Variants in SLC16A7 observed in about 807,000 individuals in gnomAD.
SLC16A7 encodes the protein monocarboxylate transporter 2.
SLC16A7 carries 33 observed loss-of-function variants against 34.9 expected under a neutral mutation model. That is an observed-to-expected ratio of 0.94 (90% CI 0.72 to 1.26). SLC16A7 has a LOEUF of 1.26. SLC16A7 is among the 50% of genes most tolerant of loss of function. SLC16A7 has a pLI of 0.00. For synonymous variants in SLC16A7, 201 were observed against 206.6 expected, an observed-to-expected ratio of 0.97 and a Z score of 0.23; for missense variants, 573 against 578.1, an observed-to-expected ratio of 0.99 and a Z score of 0.09.
chr12:59,679,597 A>G (rs534361069), intron 2 of SLC16A7, among the ~76,000 whole-genome samples: 3 of 152,166 alleles, frequency 2.0e-5, no homozygotes, highest in Non-Finnish European at 4.4e-5. Flanking sequence ...TACCTGTCTC[A>G]TGATGTTTAT....
At chr12:59,770,011 A>T (rs543442995) in intron 3 of SLC16A7, among the ~76,000 whole-genome samples, 1 of 152,248 alleles carries the variant, frequency 6.6e-6, no homozygotes, top group Admixed American at 6.6e-5. Context: ...GATAGTCTCA[A>T]TTGTTAAGTT....
intron 1 of SLC16A7, among the ~76,000 whole-genome samples, chr12:59,632,112 G>A (rs760828405): frequency 5.3e-5 from 8 of 151,818 alleles, no homozygotes; most frequent in African/African-American, 1.7e-4. Context: ...AAAAGTAGAC[G>A]GAATGAGTAA....
chr12:59,664,742 T>C (rs1565636648), intron 2 of SLC16A7: 1 of 152,132 alleles, frequency 6.6e-6, no homozygotes, highest in Admixed American at 6.6e-5. Flanking sequence ...TATGAACTAA[T>C]AGTGCACGTC....
At chr12:59,604,489 T>C (rs1404176737) in intron 1 of SLC16A7, among the ~76,000 whole-genome samples, 2 of 152,252 alleles carry the variant, frequency 1.3e-5, no homozygotes, top group African/African-American at 4.8e-5. Flanking sequence ...TGTGTGTGTG[T>C]ATAATAAGTG....
intron 3 of SLC16A7, among the ~76,000 whole-genome samples, chr12:59,722,347 G>T (rs1327335996): frequency 6.6e-6 from 1 of 151,740 alleles, no homozygotes; most frequent in Admixed American, 6.6e-5. Flanking sequence ...CTGGCCCAAG[G>T]TATTATTATT....
chr12:59,599,802 A>T (rs1878598608), intron 1 of SLC16A7, among the ~76,000 whole-genome samples: 5 of 152,206 alleles, frequency 3.3e-5, no homozygotes, highest in Admixed American at 3.3e-4. Context: ...CATCTGAACT[A>T]CTTCGTAACT....
chr12:59,624,735 T>C (rs1033566005), intron 1 of SLC16A7, among the ~76,000 whole-genome samples: 1 of 146,016 alleles, frequency 6.8e-6, no homozygotes, highest in Admixed American at 6.8e-5. Flanking sequence ...TTTGCATTGT[T>C]AGTTGTGTGT....
chr12:59,678,690 G>T (rs1870506053), intron 2 of SLC16A7, among the ~76,000 whole-genome samples: 1 of 152,116 alleles, frequency 6.6e-6, no homozygotes, highest in Admixed American at 6.5e-5. Flanking sequence ...TCCCATTCTG[G>T]TCCTTGGGGC....
intron 3 of SLC16A7, among the ~76,000 whole-genome samples, chr12:59,740,751 G>A (rs542233656): frequency 6.6e-6 from 1 of 152,106 alleles, no homozygotes; most frequent in Non-Finnish European, 1.5e-5. Flanking sequence ...TATTCAGTTA[G>A]GAAAAGAGGA....
At chr12:59,765,836 G>A (rs1881559083) in intron 3 of SLC16A7, among the ~76,000 whole-genome samples, 1 of 152,092 alleles carries the variant, frequency 6.6e-6, no homozygotes, top group Non-Finnish European at 1.5e-5. Context: ...CGTTCCATAT[G>A]AACTTTAAAG....
intron 3 of SLC16A7, among the ~76,000 whole-genome samples, chr12:59,757,158 A>C (rs1368593111): frequency 6.6e-6 from 1 of 150,994 alleles, no homozygotes; most frequent in African/African-American, 2.4e-5. Context: ...CTAATTCTAA[A>C]TGACGAGTTA....
intron 1 of SLC16A7, among the ~76,000 whole-genome samples, chr12:59,643,997 C>T (rs959674433): frequency 6.6e-6 from 1 of 152,082 alleles, no homozygotes; most frequent in African/African-American, 2.4e-5. Flanking sequence ...CATTATCTGT[C>T]CTGCTGCAAC....
chr12:59,666,318 G>T (rs1283035459), intron 2 of SLC16A7, among the ~76,000 whole-genome samples: 3 of 152,214 alleles, frequency 2.0e-5, no homozygotes, highest in Admixed American at 6.5e-5. Flanking sequence ...GTTGTTTAGT[G>T]ATATTTTCCC....
Position 59,775,406 on chromosome 12 carries a change from T to C in SLC16A7, c.1111T>C (p.Phe371Leu), listed in dbSNP as rs925362925. The change falls in exon 5 of 6, where the codon TTT becomes CTT. Residue 371 changes from phenylalanine (F) to leucine (L), a missense_variant. By Grantham distance (22) the Phe-to-Leu change is conservative. Coordinates refer to ENST00000547379, the MANE Select transcript of SLC16A7 (RefSeq NM_001270623.2). ...TLMDLVGAPR[F>L]SSAVGLVTIV... ...CATGGACCTCGTGGGTGCACCAAGA[T>C]TTTCCAGTGCCGTCGGACTTGTCAC... 6.2e-7 allele frequency: 1 copy of C among 1,614,124 alleles called. No individual in the cohort carries two copies. The highest frequency in any genetic ancestry group is 1.3e-5 in the African/African-American group (1 of 75,048).
intron 3 of SLC16A7, among the ~76,000 whole-genome samples, chr12:59,724,911 T>G (rs1876053442): frequency 1.3e-5 from 2 of 152,078 alleles, no homozygotes; most frequent in Admixed American, 6.6e-5. Flanking sequence ...AATAGAAAAT[T>G]TTTGGTTTGT....
At chr12:59,678,020 C>T (rs1870444768) in intron 2 of SLC16A7, among the ~76,000 whole-genome samples, 1 of 152,192 alleles carries the variant, frequency 6.6e-6, no homozygotes, top group African/African-American at 2.4e-5. Flanking sequence ...AATATCACAC[C>T]TGCCAAGGGT....
chr12:59,683,872 C>T (rs1316003461), intron 2 of SLC16A7, among the ~76,000 whole-genome samples: 1 of 152,050 alleles, frequency 6.6e-6, no homozygotes, highest in Non-Finnish European at 1.5e-5. Context: ...AAGTGAGAAA[C>T]CAAGGACTGC....
At chr12:59,748,254 C>G (rs564309335) in intron 3 of SLC16A7, among the ~76,000 whole-genome samples, 1 of 152,252 alleles carries the variant, frequency 6.6e-6, no homozygotes, top group East Asian at 1.9e-4. Flanking sequence ...TGCACAGGAA[C>G]CCTTACAGAC....
At chr12:59,740,025 C>T (rs1424928549) in intron 3 of SLC16A7, among the ~76,000 whole-genome samples, 1 of 151,508 alleles carries the variant, frequency 6.6e-6, no homozygotes, top group Admixed American at 6.6e-5. Context: ...GTTTCTTTTG[C>T]TGTGCAGAAG....
Sources: allele counts gnomAD v4.1 joint callset (sites outside exome capture counted in the v4.1 genomes callset), GRCh38; gene constraint gnomAD v4.1.1; transcripts MANE v1.5; gene names NCBI Gene and HGNC (gene_info 2026-07-23, HGNC 2026-07-21).